GRM1: variants seen among roughly 807,000 people sequenced by gnomAD.
GRM1 encodes the protein glutamate metabotropic receptor 1, also known as metabotropic glutamate receptor 1.
Under a neutral mutation model 90.9 loss-of-function variants are expected in GRM1, and 33 were observed. That is an observed-to-expected ratio of 0.36 (90% CI 0.28 to 0.49). The LOEUF is 0.49. Ranked by LOEUF, GRM1 falls within the 20% of genes least tolerant of loss-of-function variation. The pLI is 0.99. For synonymous variants in GRM1, 700 were observed against 613.2 expected, an observed-to-expected ratio of 1.14 and a Z score of -2.09; for missense variants, 1,190 against 1,534.3, an observed-to-expected ratio of 0.78 and a Z score of 3.75.
intron 1 of GRM1, among the ~76,000 whole-genome samples, chr6:146,074,574 G>A (rs886253591): frequency 6.6e-6 from 1 of 152,142 alleles, no homozygotes; most frequent in Non-Finnish European, 1.5e-5. Context: ...GCCCAGGATT[G>A]CAGTCACCTT....
At position 146,243,379 on chromosome 6, in the gene GRM1, C is replaced by A. The variant is rs753773201; in HGVS notation, c.951-61232C>A. Reference sequence around the variant, plus strand: ...GTGTTTCTGTTTTCTTAATGGAAACCAGAGGAGTAACAGAATCCTATCTCT... The same window carrying A: ...GTGTTTCTGTTTTCTTAATGGAAACAAGAGGAGTAACAGAATCCTATCTCT... On this transcript the variant is annotated intron_variant, in intron 2 of 7. Coordinates refer to ENST00000282753, the MANE Select transcript of GRM1 (RefSeq NM_001278064.2). Among the ~76,000 whole-genome samples, 31 of 151,930 alleles carry A rather than the reference C, an allele frequency of 2.0e-4. 1 individual carries two copies. Among genetic ancestry groups the A allele is most frequent in the Admixed American group, 6.6e-4 (10 of 15,226 alleles).
chr6:146,142,482 G>A (rs1443292984), intron 1 of GRM1, among the ~76,000 whole-genome samples: 1 of 152,136 alleles, frequency 6.6e-6, no homozygotes, highest in Non-Finnish European at 1.5e-5. Context: ...TCCCTTCAGG[G>A]TGATGAGTTC....
chr6:146,391,677 A>T (rs933479439), intron 6 of GRM1, among the ~76,000 whole-genome samples: 2 of 152,100 alleles, frequency 1.3e-5, no homozygotes, highest in African/African-American at 4.8e-5. Context: ...TCTCAAATTT[A>T]GGATAAATTT....
intron 5 of GRM1, among the ~76,000 whole-genome samples, chr6:146,374,100 A>G (rs1318322503): frequency 2.0e-5 from 3 of 152,102 alleles, no homozygotes; most frequent in Non-Finnish European, 2.9e-5. Context: ...AATGCTGTTT[A>G]TGCATCAATT....
At chr6:146,359,521 T>G (rs1775378625) in intron 5 of GRM1, among the ~76,000 whole-genome samples, 1 of 152,328 alleles carries the variant, frequency 6.6e-6, no homozygotes, top group African/African-American at 2.4e-5. Context: ...TTGCAGGTTA[T>G]ATATGGAAAA....
chr6:146,327,697 C>T lies in GRM1; in HGVS notation c.1186+22851C>T, dbSNP rs1192255348. The stretch of plus-strand genomic sequence containing the variant: ...GTTCCTCAGAGGTCTGGGAAACTTC[C>T]CTTAAATAATAGGTAGCTGATCCTA... On this transcript the variant is annotated intron_variant, in intron 3 of 7. Transcript: ENST00000282753. 3.3e-5 allele frequency among the ~76,000 whole-genome samples: 5 copies of T among 152,230 alleles called. No individual in the cohort carries two copies. The East Asian group carries it at 5.8e-4, about 18-fold the overall frequency.
chr6:146,162,654 CA>C (rs1475265555), intron 2 of GRM1, among the ~76,000 whole-genome samples: 1 of 152,084 alleles, frequency 6.6e-6, no homozygotes, highest in East Asian at 1.9e-4. Flanking sequence ...TATTTCATAA[CA>C]AAGTCATTAC....
At chr6:146,140,715 C>T (rs541734679) in intron 1 of GRM1, among the ~76,000 whole-genome samples, 63 of 152,222 alleles carry the variant, frequency 4.1e-4, no homozygotes, top group African/African-American at 1.4e-3. Flanking sequence ...AAAAACTCTA[C>T]GCTTCAATTT....
rs1776532578 is a variant in GRM1, at chr6:146,387,005, C to G, written c.1718C>G (p.Ala573Gly). The part of the protein sequence containing the change: ...KACDLGWWPN[A>G]DLTGCEPIPV... ...TGTGACTTGGGATGGTGGCCCAATG[C>G]AGATCTAACAGGTAGGAACTGCCTC... Residue 573 changes from alanine to glycine, a missense_variant, in exon 6 of 8, where the codon GCA becomes GGA. By Grantham distance (60) the Ala-to-Gly change is moderately conservative. Around this residue, in one of 10 missense-constraint regions of GRM1, gnomAD observed 414 missense variants for 598.4 expected, o/e 0.69. Transcript: ENST00000282753. 6.2e-7 allele frequency: 1 copy of G among 1,612,878 alleles called. No homozygotes were observed. Among genetic ancestry groups the G allele is most frequent in the Non-Finnish European group, 8.5e-7 (1 of 1,179,158 alleles).
chr6:146,407,167 G>T (rs1386538648), intron 7 of GRM1, among the ~76,000 whole-genome samples: 1 of 152,164 alleles, frequency 6.6e-6, no homozygotes, highest in African/African-American at 2.4e-5. Flanking sequence ...TAAGTAAATG[G>T]TGTGTGGAGG....
At chr6:146,319,832 TA>T (rs1374126953) in intron 3 of GRM1, among the ~76,000 whole-genome samples, 1 of 152,242 alleles carries the variant, frequency 6.6e-6, no homozygotes, top group Non-Finnish European at 1.5e-5. Flanking sequence ...GAGACTTTGC[TA>T]AAGTTGCTTA....
Position 146,399,557 on chromosome 6 carries a change from G to T in GRM1, c.2518G>T (p.Ala840Ser). Residue 840 changes from alanine (A) to serine (S), a missense_variant, in exon 7 of 8, where the codon GCC (alanine) becomes TCC (serine). Physicochemically the swap from Ala to Ser is moderately conservative, Grantham distance 99. Transcript: ENST00000282753. The surrounding 1 kb of genome is among the most constrained non-coding windows in gnomAD (Gnocchi z 5.4). ...MFTPKMYIII[A>S]KPERNVRSAF... Reference sequence around the variant, plus strand: ...CACTCCCAAGATGTACATCATTATTGCCAAGCCTGAGAGGAATGTCCGCAG... The same window carrying T: ...CACTCCCAAGATGTACATCATTATTTCCAAGCCTGAGAGGAATGTCCGCAG... The T allele has an allele frequency of 6.2e-7, 1 of 1,614,108 alleles. No homozygotes were observed. Among genetic ancestry groups the T allele is most frequent in the Non-Finnish European group, 8.5e-7 (1 of 1,179,990 alleles).
At chr6:146,067,516 G>T (rs1454652076) in intron 1 of GRM1, among the ~76,000 whole-genome samples, 2 of 152,080 alleles carry the variant, frequency 1.3e-5, no homozygotes, top group East Asian at 3.9e-4. Flanking sequence ...GACAGTTAAA[G>T]AAATTAACTA....
At chr6:146,126,692 T>C (rs1776211123) in intron 1 of GRM1, among the ~76,000 whole-genome samples, 1 of 152,206 alleles carries the variant, frequency 6.6e-6, no homozygotes, top group Admixed American at 6.5e-5. Flanking sequence ...TGTTTTGTTG[T>C]TGGAATCCTA....
At chr6:146,421,208 C>CA (rs1351851721) in intron 7 of GRM1, among the ~76,000 whole-genome samples, 1 of 151,954 alleles carries the variant, frequency 6.6e-6, no homozygotes, top group Non-Finnish European at 1.5e-5. Flanking sequence ...CTCCCATTAA[C>CA]AATGTTTATT....
chr6:146,386,791 T>G, intron 5 of GRM1, 99 bp from the exon 6 acceptor site: 1 of 887,018 alleles, frequency 1.1e-6, no homozygotes, highest in Non-Finnish European at 1.8e-6. Context: ...ATAGTTAGTC[T>G]TTTTTTCTTT....
At chr6:146,223,129 C>T (rs1780128138) in intron 2 of GRM1, among the ~76,000 whole-genome samples, 1 of 151,782 alleles carries the variant, frequency 6.6e-6, no homozygotes, top group African/African-American at 2.4e-5. Flanking sequence ...CTACTATGGC[C>T]AAACAGTAGA....
At chr6:146,131,660 G>C (rs1462220388) in intron 1 of GRM1, among the ~76,000 whole-genome samples, 1 of 152,116 alleles carries the variant, frequency 6.6e-6, no homozygotes, top group Non-Finnish European at 1.5e-5. Context: ...AATTGCAGGA[G>C]AGTGAATTTA....
At chr6:146,381,749 T>C (rs1776327015) in intron 5 of GRM1, among the ~76,000 whole-genome samples, 1 of 152,158 alleles carries the variant, frequency 6.6e-6, no homozygotes, top group Non-Finnish European at 1.5e-5. Flanking sequence ...CCCAGTTCCT[T>C]TATTCTTTTT....
Sources: allele counts gnomAD v4.1 joint callset (sites outside exome capture counted in the v4.1 genomes callset), GRCh38; gene constraint gnomAD v4.1.1; regional missense constraint gnomAD v4.1.1; non-coding constraint Gnocchi (gnomAD v3.1); transcripts MANE v1.5; gene names NCBI Gene and HGNC (gene_info 2026-07-23, HGNC 2026-07-21).